Variants in CYFIP1 observed in about 807,000 individuals in gnomAD.
CYFIP1 encodes cytoplasmic FMR1-interacting protein 1.
A neutral mutation model predicts 163.5 loss-of-function variants in CYFIP1; 58 were observed. The ratio of observed to expected loss-of-function variants is 0.35; its 90% confidence interval spans 0.29 to 0.44. The LOEUF is 0.44. Ranked by LOEUF, CYFIP1 falls within the 20% of genes least tolerant of loss-of-function variation. CYFIP1 has a pLI of 1.00. For missense variants in CYFIP1, 1,338 were observed against 1,653.8 expected, an observed-to-expected ratio of 0.81 and a Z score of 3.31; for synonymous variants, 663 against 660.7, an observed-to-expected ratio of 1.00 and a Z score of -0.05.
intron 23 of CYFIP1, among the ~76,000 whole-genome samples, chr15:22,886,219 T>C (rs984296306): frequency 1.1e-4 from 16 of 152,096 alleles, no homozygotes; most frequent in Non-Finnish European, 2.4e-4. Flanking sequence ...CCTTGACTCA[T>C]GGGGGTTATG....
chr15:22,934,546 G>T (rs1191332506), intron 9 of CYFIP1, among the ~76,000 whole-genome samples: 1 of 94,176 alleles, frequency 1.1e-5, no homozygotes, highest in Non-Finnish European at 2.1e-5. Flanking sequence ...AGGCTGCGCT[G>T]CAGTGCAGTG....
At position 22,931,104 on chromosome 15, in the gene CYFIP1, G is replaced by GT. The variant is rs565812651; in HGVS notation, c.1110+1118dup. Among the ~76,000 whole-genome samples the GT allele has an allele frequency of 3.2e-4, 49 of 152,272 alleles. 2 individuals are homozygous for GT. The South Asian group carries it at 9.3e-3, about 29-fold the overall frequency. On this transcript the variant is annotated intron_variant, in intron 11 of 30. Coordinates refer to ENST00000617928, the MANE Select transcript of CYFIP1 (RefSeq NM_014608.6). ...TGATGATGACTGGTAACCATGGGGG[G>GT]TGGGGGACAGGGTGCTCATCGTCCT...
chr15:22,919,000 C>T (rs1296484755), intron 13 of CYFIP1, 142 bp from the exon 14 acceptor site: 1 of 637,856 alleles, frequency 1.6e-6, no homozygotes, highest in Non-Finnish European at 2.7e-6. Flanking sequence ...TGCCCTGCCC[C>T]AAAACGTCTT....
At chr15:22,955,579 G>A (rs1472458350) in intron 1 of CYFIP1, among the ~76,000 whole-genome samples, 2 of 128,216 alleles carry the variant, frequency 1.6e-5, no homozygotes, top group Non-Finnish European at 3.5e-5. Context: ...GAGCCCTGAA[G>A]ATGCTGGAGA....
intron 13 of CYFIP1, among the ~76,000 whole-genome samples, chr15:22,920,159 CTT>C (rs71117470): frequency 1.1e-3 from 83 of 75,534 alleles, no homozygotes; most frequent in Middle Eastern, 0.021. Context: ...ATTAAGGCAG[CTT>C]TTTTTTTTTT....
At chr15:22,953,781 T>C (rs2062341624) in intron 1 of CYFIP1, among the ~76,000 whole-genome samples, 1 of 152,174 alleles carries the variant, frequency 6.6e-6, no homozygotes. Context: ...CAGGGCCTGG[T>C]GCAGTGGCTC....
intron 10 of CYFIP1, among the ~76,000 whole-genome samples, chr15:22,933,337 C>T (rs1248169963): frequency 2.0e-5 from 3 of 149,078 alleles, no homozygotes; most frequent in Non-Finnish European, 3.0e-5. Context: ...TTTTTTGAGA[C>T]GGAGTCTTGC....
At chr15:22,930,347 C>A (rs1378965772) in intron 11 of CYFIP1, among the ~76,000 whole-genome samples, 2 of 146,690 alleles carry the variant, frequency 1.4e-5, no homozygotes, top group Non-Finnish European at 3.0e-5. Flanking sequence ...GATTGCACCA[C>A]TGCACTCCAG....
At chr15:22,900,543 C>G (rs141873709) in intron 22 of CYFIP1, among the ~76,000 whole-genome samples, 8 of 151,878 alleles carry the variant, frequency 5.3e-5, no homozygotes, top group Non-Finnish European at 1.0e-4. Context: ...GGACTGCAGG[C>G]GCCCGCCACC....
intron 28 of CYFIP1, 117 bp downstream of exon 28, chr15:22,874,433 A>G: frequency 1.5e-6 from 1 of 674,606 alleles, no homozygotes; most frequent in African/African-American, 1.9e-5. Flanking sequence ...TTGAGGCCTG[A>G]GCAGCCACGC....
chr15:22,867,765 GT>G lies in CYFIP1; in HGVS notation c.*2262del, dbSNP rs766899409. ...TGAATGCTTAGAACAAACTTAACAT[GT>G]TTATAGAATATGGTCTCTTTGTACC... is the stretch of plus-strand genomic sequence containing the variant. On this transcript the variant is annotated 3_prime_UTR_variant, in exon 31 of 31. Transcript: ENST00000617928. 3 of 152,164 alleles carry G rather than the reference GT, an allele frequency of 2.0e-5. No individual in the cohort carries two copies. The highest frequency in any genetic ancestry group is 4.4e-5 in the Non-Finnish European group (3 of 68,042). 9.4% of individuals were successfully genotyped at this position (152,164 alleles called of 1,614,324 possible).
chr15:22,939,247 T>C lies in CYFIP1; in HGVS notation c.740A>G (p.Asp247Gly). ...CAAATACATCCTGTTCTCGTAGTAA[T>C]CCACACACAGATTCACAATATCTGC... Reference protein sequence around the residue: ...LLADIVNLCVDYYENRMYLTP... With the variant: ...LLADIVNLCVGYYENRMYLTP... The change falls in exon 8 of 31, where the codon GAT (aspartate) becomes GGT (glycine). Residue 247 changes from aspartate (D) to glycine (G), a missense_variant. Asp to Gly is a moderately conservative substitution (Grantham distance 94, BLOSUM62 -1). Transcript: ENST00000617928. 6.2e-7 allele frequency: 1 copy of C among 1,614,170 alleles called. No individual in the cohort carries two copies. Among genetic ancestry groups the C allele is most frequent in the East Asian group, 2.2e-5 (1 of 44,878 alleles).
intron 1 of CYFIP1, among the ~76,000 whole-genome samples, chr15:22,948,882 T>C (rs1320422593): frequency 7.6e-6 from 1 of 131,318 alleles, no homozygotes; most frequent in Admixed American, 8.2e-5. Context: ...CTAATCTGAA[T>C]ACCAGAGAGA....
At chr15:22,930,396 A>G (rs1323791619) in intron 11 of CYFIP1, among the ~76,000 whole-genome samples, 13,719 of 149,538 alleles carry the variant, frequency 0.092, 684 homozygotes, top group African/African-American at 0.16. Context: ...ACCCAAAAAA[A>G]AAAAAAAAAA....
intron 18 of CYFIP1, among the ~76,000 whole-genome samples, chr15:22,911,378 GACC>G (rs1007413308): frequency 6.6e-6 from 1 of 152,138 alleles, no homozygotes; most frequent in Non-Finnish European, 1.5e-5. Flanking sequence ...TGTGTGCAGT[GACC>G]ACGAGGAGCT....
At position 22,917,850 on chromosome 15, in the gene CYFIP1, C is replaced by T; in HGVS notation, c.1612G>A (p.Asp538Asn). The change falls in exon 15 of 31, where the codon GAC becomes AAC. Residue 538 changes from aspartate to asparagine, a missense_variant. By Grantham distance (23) the Asp-to-Asn change is conservative. This residue lies in a region of CYFIP1 where 824 missense variants were observed against 995.7 expected (regional missense o/e 0.83). Coordinates refer to ENST00000617928, the MANE Select transcript of CYFIP1 (RefSeq NM_014608.6). The surrounding 1 kb of genome is among the most constrained non-coding windows in gnomAD (Gnocchi z 4.2). ...FNDPALRGEK[D>N]PKSGFDIKVP... is the part of the protein sequence containing the mutation. The stretch of plus-strand genomic sequence containing the variant: ...TTTATGTCGAAGCCGCTCTTGGGGT[C>T]CTTCTCGCCCCGCAAGGCTGGGTCA... 1.2e-6 allele frequency: 2 copies of T among 1,613,878 alleles called. No individual in the cohort carries two copies. Among genetic ancestry groups the T allele is most frequent in the South Asian group, 1.1e-5 (1 of 91,068 alleles).
rs2059202567 is a variant in CYFIP1, at chr15:22,867,637, T to A, written c.*2391A>T. Reference sequence around the variant, plus strand: ...ATTTTCATAATGAGTTATATTGTCATTTAGACTTTGAACAGCTCTGGGAAA... The same window carrying A: ...ATTTTCATAATGAGTTATATTGTCAATTAGACTTTGAACAGCTCTGGGAAA... On this transcript the variant is annotated 3_prime_UTR_variant, in exon 31 of 31. Coordinates refer to ENST00000617928, the MANE Select transcript of CYFIP1 (RefSeq NM_014608.6). 1 of 155,546 alleles carries A rather than the reference T, an allele frequency of 6.4e-6. No homozygotes were observed. Among genetic ancestry groups the A allele is most frequent in the Admixed American group, 6.5e-5 (1 of 15,372 alleles). The allele number at this position is 155,546 out of a possible 1,614,324, so 9.6% of individuals were successfully genotyped here.
At chr15:22,925,925 G>T (rs1162915768) in intron 13 of CYFIP1, 57 bp downstream of exon 13, 14 of 1,595,922 alleles carry the variant, frequency 8.8e-6, no homozygotes, top group Non-Finnish European at 1.2e-5. Flanking sequence ...TTTTGACAGA[G>T]AAGATGGTGT....
chr15:22,905,277 A>G (rs971181429), intron 21 of CYFIP1: 3 of 152,156 alleles, frequency 2.0e-5, no homozygotes, highest in African/African-American at 7.2e-5. Context: ...TTTAATAGAC[A>G]CTTTCAAGGT....
Sources: allele counts gnomAD v4.1 joint callset (sites outside exome capture counted in the v4.1 genomes callset), GRCh38; gene constraint gnomAD v4.1.1; regional missense constraint gnomAD v4.1.1; non-coding constraint Gnocchi (gnomAD v3.1); transcripts MANE v1.5; gene names NCBI Gene and HGNC (gene_info 2026-07-23, HGNC 2026-07-21).